The following DAB1 variants were observed in gnomAD, a reference collection of about 807,000 sequenced individuals.
DAB1 encodes disabled homolog 1.
Under a neutral mutation model 64.6 loss-of-function variants are expected in DAB1, and 15 were observed. That is an observed-to-expected ratio of 0.23 (90% CI 0.16 to 0.36). The LOEUF is 0.36. Among genes scored for constraint, DAB1 ranks in the 10% least tolerant of loss-of-function variants. DAB1 has a pLI of 1.00. For synonymous variants in DAB1, 235 were observed against 251.9 expected, an observed-to-expected ratio of 0.93 and a Z score of 0.64; for missense variants, 596 against 706.7, an observed-to-expected ratio of 0.84 and a Z score of 1.78.
chr1:58,383,614 T>G (rs928908039), intron 3 of DAB1, among the ~76,000 whole-genome samples: 1 of 66,940 alleles, frequency 1.5e-5, no homozygotes. Flanking sequence ...ATCTGACACA[T>G]GACACTCAAT....
chr1:57,539,347 C>T (rs17115957), intron 7 of DAB1, among the ~76,000 whole-genome samples: 3,131 of 152,174 alleles, frequency 0.021, 125 homozygotes, highest in African/African-American at 0.072. Flanking sequence ...ATTTGAAGTA[C>T]GGGATTCAAT....
intron 4 of DAB1, among the ~76,000 whole-genome samples, chr1:58,268,569 A>C (rs1661231277): frequency 6.6e-6 from 1 of 152,184 alleles, no homozygotes; most frequent in Admixed American, 6.5e-5. Flanking sequence ...GAGATCTGAA[A>C]TAATATATAT....
chr1:57,424,788 G>A (rs189929205), upstream of DAB1, among the ~76,000 whole-genome samples: 1 of 152,140 alleles, frequency 6.6e-6, no homozygotes, highest in Non-Finnish European at 1.5e-5. Flanking sequence ...CAAGTTGGGA[G>A]GGAGAAGGCT....
At chr1:57,822,889 T>C (rs1449287070), downstream of DAB1, among the ~76,000 whole-genome samples, 2 of 152,048 alleles carry the variant, frequency 1.3e-5, no homozygotes. Flanking sequence ...TTTTGAAGAA[T>C]AGGTAGGCTT....
At chr1:57,071,792 TTAGCAAATTGCATC>T in intron 5 of DAB1, 151 bp from the exon 6 acceptor site, 1 of 744,426 alleles carries the variant, frequency 1.3e-6, no homozygotes, top group East Asian at 2.9e-5. Flanking sequence ...TTATACTGGT[TTAGCAAATTGCATC>T]TAGGCTAAAG....
intron 5 of DAB1, among the ~76,000 whole-genome samples, chr1:57,975,726 T>C (rs1570133670): frequency 1.3e-5 from 2 of 152,258 alleles, no homozygotes; most frequent in East Asian, 3.9e-4. Context: ...CGATGAAATG[T>C]ATTATAAAAC....
chr1:57,613,616 T>A (rs796152964), intron 7 of DAB1, among the ~76,000 whole-genome samples: 1 of 152,132 alleles, frequency 6.6e-6, no homozygotes, highest in African/African-American at 2.4e-5. Context: ...CAGGATATTT[T>A]CCCCCTCAAA....
chr1:58,029,878 A>G (rs1457238438), intron 5 of DAB1, among the ~76,000 whole-genome samples: 1 of 152,298 alleles, frequency 6.6e-6, no homozygotes, highest in East Asian at 1.9e-4. Flanking sequence ...GTGTAATCTT[A>G]GTAAAAAAAT....
intron 5 of DAB1, among the ~76,000 whole-genome samples, chr1:58,028,787 C>A (rs756892077): frequency 4.6e-5 from 7 of 152,240 alleles, no homozygotes; most frequent in Non-Finnish European, 7.4e-5. Context: ...TAATAAGAAT[C>A]AACTGTACTA....
At chr1:57,949,052 T>C (rs910833564) in intron 5 of DAB1, among the ~76,000 whole-genome samples, 4 of 152,166 alleles carry the variant, frequency 2.6e-5, no homozygotes, top group African/African-American at 9.7e-5. Flanking sequence ...CTTTAACCTG[T>C]GTCCTTGCCT....
intron 6 of DAB1, among the ~76,000 whole-genome samples, chr1:57,760,243 C>T (rs1649013486): frequency 6.6e-6 from 1 of 152,124 alleles, no homozygotes. Context: ...CAGGTATGGC[C>T]TTGCCACCCA....
intron 3 of DAB1, among the ~76,000 whole-genome samples, chr1:58,356,729 A>G (rs1385657709): frequency 6.6e-6 from 1 of 152,054 alleles, no homozygotes; most frequent in Non-Finnish European, 1.5e-5. Flanking sequence ...TTTTTCCCCT[A>G]AAGATATTTG....
intron 5 of DAB1, among the ~76,000 whole-genome samples, chr1:58,149,583 C>T (rs964948032): frequency 1.4e-4 from 21 of 152,252 alleles, no homozygotes; most frequent in Admixed American, 7.2e-4. Flanking sequence ...AGGCCCTGAA[C>T]CATCAACCTG....
At chr1:57,049,116 G>A (rs1344261457) in intron 9 of DAB1, among the ~76,000 whole-genome samples, 2 of 152,078 alleles carry the variant, frequency 1.3e-5, no homozygotes, top group Non-Finnish European at 2.9e-5. Flanking sequence ...AACGGAAGAT[G>A]AAAGGAATTA....
chr1:58,096,282 T>C (rs1320555), intron 5 of DAB1, among the ~76,000 whole-genome samples: 54,932 of 152,124 alleles, frequency 0.36, 12,614 homozygotes, highest in African/African-American at 0.64. Flanking sequence ...CTTTTTGGTT[T>C]ACTATCATAC....
intron 5 of DAB1, among the ~76,000 whole-genome samples, chr1:58,041,201 T>C (rs1362247616): frequency 6.6e-6 from 1 of 152,236 alleles, no homozygotes; most frequent in African/African-American, 2.4e-5. Flanking sequence ...CCAGGCCCTC[T>C]GAGCTCTCAC....
intron 5 of DAB1, among the ~76,000 whole-genome samples, chr1:57,956,705 A>T (rs1645401495): frequency 6.6e-6 from 1 of 152,210 alleles, no homozygotes; most frequent in Non-Finnish European, 1.5e-5. Flanking sequence ...CAAAATAGAG[A>T]AGAAGTTGTA....
At chr1:57,026,214 T>G (rs530675759) in intron 9 of DAB1, among the ~76,000 whole-genome samples, 171 bp from the exon 10 acceptor site, 1 of 152,218 alleles carries the variant, frequency 6.6e-6, no homozygotes, top group African/African-American at 2.4e-5. Context: ...GGCAACATCT[T>G]GAATGCAGCC....
At chr1:58,203,124 G>A (rs1658088763) in intron 4 of DAB1, among the ~76,000 whole-genome samples, 1 of 152,224 alleles carries the variant, frequency 6.6e-6, no homozygotes, top group Non-Finnish European at 1.5e-5. Flanking sequence ...GGGGTAAGGG[G>A]AAGAGGGCAG....
Sources: gnomAD v4.1 joint callset for allele counts (sites outside exome capture counted in the v4.1 genomes callset) on GRCh38, gnomAD v4.1.1 for gene constraint, MANE v1.5 for transcripts, NCBI Gene and HGNC (gene_info 2026-07-23, HGNC 2026-07-21) for gene names.